Variants in ST8SIA6 observed in about 807,000 individuals in gnomAD.
The protein encoded by ST8SIA6 is ST8 alpha-N-acetyl-neuraminide alpha-2,8-sialyltransferase 6.
A neutral mutation model predicts 33.6 loss-of-function variants in ST8SIA6; 39 were observed. The observed-to-expected ratio is 1.16, with a 90% confidence interval of 0.90 to 1.52. The LOEUF is 1.52. ST8SIA6 is among the 40% of genes most tolerant of loss of function. The pLI, the probability that ST8SIA6 is intolerant of heterozygous loss-of-function variation, is 0.00. For missense variants in ST8SIA6, 441 were observed against 443.8 expected, an observed-to-expected ratio of 0.99 and a Z score of 0.06; for synonymous variants, 172 against 167.2, an observed-to-expected ratio of 1.03 and a Z score of -0.22.
chr10:17,453,514 C>A, intron 2 of ST8SIA6, 45 bp downstream of exon 2: 1 of 1,261,036 alleles, frequency 7.9e-7, no homozygotes, highest in South Asian at 3.1e-5. Context: ...ATGCCCGGCT[C>A]GCAGCTCCCG....
chr10:17,331,242 G>A (rs1334230024), intron 5 of ST8SIA6, among the ~76,000 whole-genome samples, 166 bp downstream of exon 5: 6 of 152,142 alleles, frequency 3.9e-5, no homozygotes, highest in Admixed American at 3.3e-4. Context: ...GAGCCACACT[G>A]CATTCAAAAT....
chr10:17,376,981 A>G (rs941291121), intron 3 of ST8SIA6, among the ~76,000 whole-genome samples: 1 of 152,220 alleles, frequency 6.6e-6, no homozygotes, highest in Non-Finnish European at 1.5e-5. Flanking sequence ...TCTGAGCCCA[A>G]GCTAAGCCAT....
chr10:17,427,308 T>TG (rs1029266053), intron 2 of ST8SIA6, among the ~76,000 whole-genome samples: 11 of 152,280 alleles, frequency 7.2e-5, no homozygotes, highest in African/African-American at 2.6e-4. Context: ...TTAAGTCTTC[T>TG]GGGGTGAGAT....
At chr10:17,396,575 T>C (rs1850813616) in intron 2 of ST8SIA6, among the ~76,000 whole-genome samples, 1 of 152,132 alleles carries the variant, frequency 6.6e-6, no homozygotes, top group South Asian at 2.1e-4. Flanking sequence ...GAGAAAGAAA[T>C]GCCTCCCCTC....
intron 4 of ST8SIA6, 24 bp from the exon 5 acceptor site, chr10:17,331,576 G>A: frequency 2.5e-6 from 4 of 1,591,152 alleles, no homozygotes; most frequent in South Asian, 1.2e-5. Context: ...GGATGAAAAG[G>A]AAGCCAAAGT....
intron 2 of ST8SIA6, among the ~76,000 whole-genome samples, chr10:17,428,679 G>A (rs1465538184): frequency 1.3e-5 from 2 of 152,010 alleles, no homozygotes; most frequent in African/African-American, 4.8e-5. Flanking sequence ...GTAAAAGGGC[G>A]CAGAGGCCAG....
In ST8SIA6 at chr10:17,319,683, A is replaced by ACTT. The variant is rs1554782459; in HGVS notation, c.*1194_*1195insAAG. The stretch of plus-strand genomic sequence containing the variant: ...AAGATAGGATATTATATGGGAAAAA[A>ACTT]AAGTAAGCTCTAAATGTCCTAACTA... On this transcript the variant is annotated 3_prime_UTR_variant, in exon 8 of 8. Coordinates refer to ENST00000377602, the MANE Select transcript of ST8SIA6 (RefSeq NM_001004470.3). Among the ~76,000 whole-genome samples, 20 of 152,194 alleles carry ACTT rather than the reference A, an allele frequency of 1.3e-4. No individual in the cohort carries two copies. Among genetic ancestry groups the ACTT allele is most frequent in the African/African-American group, 4.8e-4 (20 of 41,444 alleles).
intron 4 of ST8SIA6, among the ~76,000 whole-genome samples, chr10:17,332,258 G>T (rs779331479): frequency 1.1e-4 from 17 of 152,114 alleles, no homozygotes; most frequent in Non-Finnish European, 1.9e-4. Flanking sequence ...AAACATACGT[G>T]TACATGTGCC....
rs576132681 is a variant in ST8SIA6 at position 17,352,668 on chromosome 10, A to G, written c.377+6846T>C. Among the ~76,000 whole-genome samples the G allele has an allele frequency of 2.0e-5, 3 of 152,316 alleles. No homozygotes were observed. In the East Asian group the frequency reaches 5.8e-4, roughly 29 times the overall value. On this transcript the variant is annotated intron_variant, in intron 4 of 7. Transcript: ENST00000377602. ...TTAGAAGACCAGTGAACCCCACGTGAGTTCCATATACTTTGATGGCAAAGT... is the reference window on the plus strand; with the variant it reads ...TTAGAAGACCAGTGAACCCCACGTGGGTTCCATATACTTTGATGGCAAAGT...
chr10:17,448,792 T>C (rs1375416997), intron 2 of ST8SIA6, among the ~76,000 whole-genome samples: 1 of 148,832 alleles, frequency 6.7e-6, no homozygotes, highest in East Asian at 1.9e-4. Context: ...ATTTTTTTTT[T>C]TTTTTTTTTT....
At chr10:17,362,303 GA>G (rs1326714409) in intron 3 of ST8SIA6, among the ~76,000 whole-genome samples, 1 of 152,092 alleles carries the variant, frequency 6.6e-6, no homozygotes, top group Admixed American at 6.5e-5. Flanking sequence ...CACTTAAGTT[GA>G]AGTTCATTGA....
chr10:17,391,009 C>A (rs990825225), intron 2 of ST8SIA6, among the ~76,000 whole-genome samples: 2 of 151,840 alleles, frequency 1.3e-5, no homozygotes, highest in Non-Finnish European at 2.9e-5. Flanking sequence ...TAGGCGCCTG[C>A]CATCACGCCC....
chr10:17,349,016 G>C (rs1385151923), intron 4 of ST8SIA6, among the ~76,000 whole-genome samples: 5 of 152,134 alleles, frequency 3.3e-5, no homozygotes, highest in Admixed American at 6.5e-5. Context: ...TGGTTTGACC[G>C]GCCATCTGGA....
intron 4 of ST8SIA6, among the ~76,000 whole-genome samples, chr10:17,356,003 T>C (rs45551640): frequency 2.1e-3 from 326 of 152,286 alleles, no homozygotes; most frequent in Non-Finnish European, 3.6e-3. Context: ...AAAAACTATA[T>C]CCCACAGTGA....
rs186681654 is a variant in ST8SIA6 at position 17,317,215 on chromosome 10, A to C, written c.*3663T>G. Among the ~76,000 whole-genome samples, 4 of 152,324 alleles carry C rather than the reference A, an allele frequency of 2.6e-5. No individual in the cohort carries two copies. Among genetic ancestry groups the C allele is most frequent in the Admixed American group, 2.6e-4 (4 of 15,288 alleles). ...CTAAAGAGTTTGCCCTGTCTCCATT[A>C]CATAAGTAGCGCATCTTTATCATAT... On this transcript the variant is annotated 3_prime_UTR_variant, in exon 8 of 8. Transcript: ENST00000377602.
At chr10:17,395,535 C>A (rs1399001380) in intron 2 of ST8SIA6, among the ~76,000 whole-genome samples, 6 of 151,972 alleles carry the variant, frequency 3.9e-5, no homozygotes, top group Non-Finnish European at 5.9e-5. Flanking sequence ...TCTGTGAATT[C>A]TGAGACAAAA....
intron 2 of ST8SIA6, among the ~76,000 whole-genome samples, chr10:17,451,988 C>T (rs753445060): frequency 6.6e-6 from 1 of 152,068 alleles, no homozygotes; most frequent in Non-Finnish European, 1.5e-5. Context: ...TCAAAGATTA[C>T]CTCTAAAAAC....
intron 2 of ST8SIA6, among the ~76,000 whole-genome samples, chr10:17,415,063 C>A (rs928545352): frequency 6.6e-6 from 1 of 152,130 alleles, no homozygotes; most frequent in Admixed American, 6.6e-5. Context: ...CACGCTCCTC[C>A]CTTGACTCCA....
intron 3 of ST8SIA6, among the ~76,000 whole-genome samples, chr10:17,387,772 A>G (rs1178004729): frequency 6.6e-6 from 1 of 152,222 alleles, no homozygotes; most frequent in Non-Finnish European, 1.5e-5. Flanking sequence ...GCTGAACTCT[A>G]GGAGAGAGAT....
Sources: gnomAD v4.1 joint callset for allele counts (sites outside exome capture counted in the v4.1 genomes callset) on GRCh38, gnomAD v4.1.1 for gene constraint, MANE v1.5 for transcripts, NCBI Gene and HGNC (gene_info 2026-07-23, HGNC 2026-07-21) for gene names.